Variants in CDH13 observed in about 807,000 individuals in gnomAD.
CDH13 encodes cadherin-13.
A neutral mutation model predicts 63.8 loss-of-function variants in CDH13; 24 were observed. The ratio of observed to expected loss-of-function variants is 0.38; its 90% confidence interval spans 0.27 to 0.53. CDH13 has a LOEUF of 0.53. CDH13 is among the 20% of genes least tolerant of loss of function. The pLI, the probability that CDH13 is intolerant of heterozygous loss-of-function variation, is 0.85. For missense variants in CDH13, 1,049 were observed against 903.1 expected (o/e 1.16, Z -2.07); for synonymous variants, 503 against 355.3 (o/e 1.42, Z -4.67).
intron 2 of CDH13, among the ~76,000 whole-genome samples, chr16:83,027,795 A>G (rs1269448506): frequency 6.6e-6 from 1 of 152,172 alleles, no homozygotes; most frequent in Admixed American, 6.5e-5. Flanking sequence ...CTAACTGCTT[A>G]CATCCAGTTC....
chr16:83,271,123 G>A (rs1045349781), intron 5 of CDH13, among the ~76,000 whole-genome samples: 1 of 151,842 alleles, frequency 6.6e-6, no homozygotes, highest in Non-Finnish European at 1.5e-5. Context: ...CCTCTTCTTG[G>A]AAAGCAGTTT....
intron 6 of CDH13, among the ~76,000 whole-genome samples, chr16:83,373,712 G>T (rs2091413101): frequency 6.6e-6 from 1 of 152,142 alleles, no homozygotes. Flanking sequence ...CAGACTTCTT[G>T]GATTTGAATC....
At chr16:83,304,972 AT>A (rs763726677) in intron 5 of CDH13, among the ~76,000 whole-genome samples, 8 of 152,166 alleles carry the variant, frequency 5.3e-5, no homozygotes, top group Non-Finnish European at 1.2e-4. Flanking sequence ...GGAGCATTTT[AT>A]TTAAGCTCCA....
intron 5 of CDH13, among the ~76,000 whole-genome samples, chr16:83,315,016 TTGGACAAGGCAC>T (rs1399554402): frequency 6.6e-6 from 1 of 152,162 alleles, no homozygotes. Context: ...CTGTGTGACT[TTGGACAAGGCAC>T]TTATATTCAA....
At chr16:82,631,066 GTC>G (rs1014553897) in intron 1 of CDH13, among the ~76,000 whole-genome samples, 1 of 152,126 alleles carries the variant, frequency 6.6e-6, no homozygotes, top group Non-Finnish European at 1.5e-5. Context: ...TTATTTCTGT[GTC>G]TCTCTCTTTC....
At chr16:82,802,139 A>C (rs2036891982) in intron 1 of CDH13, among the ~76,000 whole-genome samples, 1 of 152,106 alleles carries the variant, frequency 6.6e-6, no homozygotes, top group Admixed American at 6.6e-5. Flanking sequence ...GCCTGCTTCT[A>C]AGGGGCATAA....
At chr16:83,644,039 C>T (rs1373474092) in intron 8 of CDH13, among the ~76,000 whole-genome samples, 1 of 152,202 alleles carries the variant, frequency 6.6e-6, no homozygotes, top group East Asian at 1.9e-4. Flanking sequence ...GAAGCAGAGC[C>T]TATCAGATCA....
At chr16:83,695,840 T>C (rs1905323120) in intron 10 of CDH13, among the ~76,000 whole-genome samples, 1 of 152,180 alleles carries the variant, frequency 6.6e-6, no homozygotes, top group Non-Finnish European at 1.5e-5. Context: ...AGGTCGAACC[T>C]TTCGTGAGTG....
intron 8 of CDH13, among the ~76,000 whole-genome samples, chr16:83,617,502 C>T (rs1016675419): frequency 6.6e-6 from 1 of 151,296 alleles, no homozygotes; most frequent in Non-Finnish European, 1.5e-5. Flanking sequence ...AAGCACATAT[C>T]CTAATATGCA....
intron 1 of CDH13, among the ~76,000 whole-genome samples, chr16:82,692,666 G>A (rs1276710847): frequency 2.6e-5 from 4 of 152,234 alleles, no homozygotes; most frequent in Non-Finnish European, 5.9e-5. Context: ...AGGATGCCTT[G>A]AATAGGTGAT....
intron 1 of CDH13, among the ~76,000 whole-genome samples, chr16:82,848,885 G>A (rs924451575): frequency 2.0e-5 from 3 of 152,314 alleles, no homozygotes; most frequent in East Asian, 3.9e-4. Context: ...TAGGCTGAAA[G>A]CTAGGTTTCT....
intron 5 of CDH13, among the ~76,000 whole-genome samples, chr16:83,325,147 A>T (rs888145104): frequency 6.6e-6 from 1 of 152,212 alleles, no homozygotes; most frequent in African/African-American, 2.4e-5. Context: ...TTCTTAAGTG[A>T]TTCTTCTTTA....
chr16:83,308,330 T>C (rs1400843698), intron 5 of CDH13, among the ~76,000 whole-genome samples: 1 of 152,070 alleles, frequency 6.6e-6, no homozygotes, highest in African/African-American at 2.4e-5. Flanking sequence ...AAAGGAAAAA[T>C]TTGCTAGTTG....
chr16:82,663,643 TC>T (rs1912243307), intron 1 of CDH13, among the ~76,000 whole-genome samples: 1 of 152,220 alleles, frequency 6.6e-6, no homozygotes. Context: ...TCTTCAGACA[TC>T]ACTCTCTTGT....
chr16:83,278,320 C>G (rs2089056695), intron 5 of CDH13, among the ~76,000 whole-genome samples: 2 of 152,146 alleles, frequency 1.3e-5, no homozygotes, highest in Non-Finnish European at 2.9e-5. Flanking sequence ...TAGCTCTTCC[C>G]CATTCACCAT....
rs117642868 is a variant in CDH13 at position 83,608,544 on chromosome 16, A to G, written c.1101+5950A>G. On this transcript the variant is annotated intron_variant, in intron 8 of 13. Coordinates refer to ENST00000567109, the MANE Select transcript of CDH13 (RefSeq NM_001257.5). ...ACCCAGGCTGGAGTGCAGTAGCACA[A>G]TCATAGTTTCGGCTCACTGCAACCT... 4.6e-3 allele frequency among the ~76,000 whole-genome samples: 694 copies of G among 152,220 alleles called. 3 individuals are homozygous for G. Among genetic ancestry groups the G allele is most frequent in the Non-Finnish European group, 7.5e-3 (509 of 68,014 alleles).
intron 5 of CDH13, among the ~76,000 whole-genome samples, chr16:83,316,066 C>T (rs2090098757): frequency 6.6e-6 from 1 of 152,076 alleles, no homozygotes; most frequent in Admixed American, 6.6e-5. Context: ...GGGAAGGAAA[C>T]ACGTCCTTCA....
chr16:83,370,371 C>G (rs1200026093), intron 6 of CDH13, among the ~76,000 whole-genome samples: 1 of 143,712 alleles, frequency 7.0e-6, no homozygotes, highest in Non-Finnish European at 1.5e-5. Context: ...CTGGGTAACA[C>G]AGCGAGACTC....
chr16:83,511,271 G>T (rs890186728), intron 7 of CDH13, among the ~76,000 whole-genome samples: 2 of 152,146 alleles, frequency 1.3e-5, no homozygotes, highest in African/African-American at 4.8e-5. Context: ...AGACCAGCCT[G>T]GCCAACATGA....
Sources: gnomAD v4.1 joint callset for allele counts (sites outside exome capture counted in the v4.1 genomes callset) on GRCh38, gnomAD v4.1.1 for gene constraint, MANE v1.5 for transcripts, NCBI Gene and HGNC (gene_info 2026-07-23, HGNC 2026-07-21) for gene names.